Variants in GPHN observed in about 807,000 individuals in gnomAD.
The protein encoded by GPHN is gephyrin.
Under a neutral mutation model 95.5 loss-of-function variants are expected in GPHN, and 17 were observed. That is an observed-to-expected ratio of 0.18 (90% CI 0.12 to 0.27). The LOEUF is 0.27. GPHN is among the 10% of genes least tolerant of loss of function. GPHN has a pLI of 1.00. For missense variants in GPHN, 660 were observed against 978.1 expected (o/e 0.67, Z 4.34); for synonymous variants, 320 against 322.5 (o/e 0.99, Z 0.08).
the GPHN span, among the ~76,000 whole-genome samples, chr14:67,218,565 C>A: frequency 1.3e-5 from 2 of 152,030 alleles, no homozygotes; most frequent in South Asian, 4.1e-4. Context: ...GATATGGGTT[C>A]TTGCCTGTTT....
At chr14:67,509,772 T>C in the GPHN span, among the ~76,000 whole-genome samples, 1,743 of 152,272 alleles carry the variant, frequency 0.011, 45 homozygotes, top group African/African-American at 0.04. Flanking sequence ...TTTGGGAGGC[T>C]GAGGCAGGAG....
At chr14:66,879,205 CAG>C (rs1300554079) in intron 4 of GPHN, among the ~76,000 whole-genome samples, 7 of 151,962 alleles carry the variant, frequency 4.6e-5, no homozygotes, top group Admixed American at 6.6e-5. Context: ...CAGGGCCTGT[CAG>C]GGGATGGAGG....
intron 9 of GPHN, among the ~76,000 whole-genome samples, chr14:66,999,163 G>A (rs988192093): frequency 2.6e-5 from 4 of 151,836 alleles, no homozygotes; most frequent in African/African-American, 9.7e-5. Flanking sequence ...CATTAGCTCT[G>A]TGACTAGCAT....
chr14:67,247,854 C>G, the GPHN span, among the ~76,000 whole-genome samples: 1 of 152,180 alleles, frequency 6.6e-6, no homozygotes, highest in East Asian at 1.9e-4. Context: ...GCTGGGATTA[C>G]AGGCATGAGT....
Position 66,695,929 on chromosome 14 carries a change from G to A in GPHN, c.143+14744G>A, listed in dbSNP as rs577356341. ...CTACTCTGAATGATACTACAATGAAGGAAACATGTTATGATGCATTGTCTA... is the reference window on the plus strand; with the variant it reads ...CTACTCTGAATGATACTACAATGAAAGAAACATGTTATGATGCATTGTCTA... On this transcript the variant is annotated intron_variant, in intron 2 of 22. Transcript: ENST00000478722. Among the ~76,000 whole-genome samples the A allele has an allele frequency of 2.0e-5, 3 of 152,234 alleles. No homozygotes were observed. The South Asian group carries it at 6.2e-4, about 32-fold the overall frequency.
chr14:66,736,438 G>C (rs889546457), intron 2 of GPHN, among the ~76,000 whole-genome samples: 1 of 119,962 alleles, frequency 8.3e-6, no homozygotes, highest in African/African-American at 3.1e-5. Context: ...TGCTCTTGTT[G>C]CCCGGGCTGG....
chr14:66,661,956 G>A (rs900209460), intron 1 of GPHN, among the ~76,000 whole-genome samples: 1 of 152,172 alleles, frequency 6.6e-6, no homozygotes. Flanking sequence ...TGCAGGGCGG[G>A]ACTTCCCAAC....
the GPHN span, among the ~76,000 whole-genome samples, chr14:67,275,152 C>T: frequency 1.3e-5 from 2 of 152,202 alleles, no homozygotes; most frequent in African/African-American, 2.4e-5. Flanking sequence ...ACTTCCAACA[C>T]TGTGTTGAAT....
chr14:67,438,399 C>A, the GPHN span, among the ~76,000 whole-genome samples: 1 of 152,286 alleles, frequency 6.6e-6, no homozygotes, highest in South Asian at 2.1e-4. Flanking sequence ...GGGACACAAT[C>A]CTTCCTTTCT....
chr14:66,549,422 C>G (rs937835387), intron 1 of GPHN, among the ~76,000 whole-genome samples: 1 of 152,106 alleles, frequency 6.6e-6, no homozygotes, highest in Non-Finnish European at 1.5e-5. Flanking sequence ...TAATCCAGAG[C>G]AAGGTTCTAA....
the GPHN span, among the ~76,000 whole-genome samples, chr14:67,410,985 A>G: frequency 3.5e-4 from 53 of 152,158 alleles, no homozygotes; most frequent in African/African-American, 1.2e-3. Flanking sequence ...GTCTCCACAA[A>G]AAAATACAAA....
chr14:67,374,401 C>CA, the GPHN span: 1 of 939,314 alleles, frequency 1.1e-6, no homozygotes, highest in Admixed American at 2.7e-5. Flanking sequence ...ATTTGGTCTT[C>CA]AAAGCTGGTT....
chr14:66,759,676 A>G (rs183026942), intron 2 of GPHN, among the ~76,000 whole-genome samples: 1 of 152,230 alleles, frequency 6.6e-6, no homozygotes, highest in East Asian at 1.9e-4. Flanking sequence ...TTATTATCCA[A>G]CTTGCAACTC....
the GPHN span, among the ~76,000 whole-genome samples, chr14:67,310,167 C>G: frequency 6.6e-6 from 1 of 151,896 alleles, no homozygotes; most frequent in Non-Finnish European, 1.5e-5. Flanking sequence ...AATCTCTTAA[C>G]TGTGTTTTGA....
At chr14:66,670,544 G>T (rs1048239818) in intron 1 of GPHN, among the ~76,000 whole-genome samples, 4 of 135,018 alleles carry the variant, frequency 3.0e-5, no homozygotes, top group Non-Finnish European at 7.0e-5. Context: ...TGTAATCCCA[G>T]CACTTTGGGA....
chr14:66,857,845 T>C (rs2062862353), intron 4 of GPHN, among the ~76,000 whole-genome samples: 1 of 152,124 alleles, frequency 6.6e-6, no homozygotes, highest in Admixed American at 6.5e-5. Context: ...AGAGAGAATC[T>C]GTGCATTTGG....
chr14:67,178,042 G>A (rs934990493), intron 21 of GPHN, among the ~76,000 whole-genome samples: 3 of 152,234 alleles, frequency 2.0e-5, no homozygotes, highest in African/African-American at 7.2e-5. Flanking sequence ...CTTTTAATTG[G>A]GGCATTTAGC....
chr14:67,179,707 C>A, intron 22 of GPHN, 33 bp downstream of exon 22: 1 of 1,048,224 alleles, frequency 9.5e-7, no homozygotes, highest in Non-Finnish European at 1.5e-6. Context: ...TATTCCTAGA[C>A]ACCTATCCTG....
At chr14:66,773,158 G>A (rs550106118) in intron 2 of GPHN, among the ~76,000 whole-genome samples, 34 of 152,244 alleles carry the variant, frequency 2.2e-4, no homozygotes, top group Non-Finnish European at 3.5e-4. Context: ...GTGCAATCGG[G>A]CAGACTTGTC....
Sources: allele counts gnomAD v4.1 joint callset (sites outside exome capture counted in the v4.1 genomes callset), GRCh38; gene constraint gnomAD v4.1.1; transcripts MANE v1.5; gene names NCBI Gene and HGNC (gene_info 2026-07-23, HGNC 2026-07-21).